The following PRKD1 variants were observed in gnomAD, a reference collection of about 807,000 sequenced individuals.
PRKD1 encodes protein kinase D1, also known as serine/threonine-protein kinase D1.
Under a neutral mutation model 95.9 loss-of-function variants are expected in PRKD1, and 63 were observed. That is an observed-to-expected ratio of 0.66 (90% CI 0.54 to 0.81). The LOEUF is 0.81. PRKD1 is among the 30% of genes least tolerant of loss of function. PRKD1 has a pLI of 0.00. For missense variants in PRKD1, 1,048 were observed against 1,165.3 expected (o/e 0.90, Z 1.47); for synonymous variants, 425 against 423.1 (o/e 1.00, Z -0.05).
chr14:29,597,795 CA>C, intron 15 of PRKD1, 37 bp from the exon 16 acceptor site: 1 of 1,575,408 alleles, frequency 6.3e-7, no homozygotes, highest in Non-Finnish European at 8.6e-7. Context: ...ACTCCGTTCA[CA>C]ATTGTGTGTC....
chr14:29,826,876 T>TATATATATATATATA (rs1891218765), intron 1 of PRKD1, among the ~76,000 whole-genome samples: 2 of 104,968 alleles, frequency 1.9e-5, no homozygotes, highest in Admixed American at 1.1e-4. Context: ...TATATATATA[T>TATATATATATATATA]GATGGAATAC....
At chr14:29,757,217 T>C (rs1887743990) in intron 1 of PRKD1, among the ~76,000 whole-genome samples, 1 of 152,002 alleles carries the variant, frequency 6.6e-6, no homozygotes, top group African/African-American at 2.4e-5. Context: ...ATTCTCAGAG[T>C]CTAACACAGT....
intron 16 of PRKD1, among the ~76,000 whole-genome samples, chr14:29,596,612 C>A (rs1207553107): frequency 6.6e-6 from 1 of 152,178 alleles, no homozygotes; most frequent in East Asian, 1.9e-4. Flanking sequence ...TGCCACCACG[C>A]TCAGCTAATT....
At chr14:29,778,385 C>A (rs139642492) in intron 1 of PRKD1, among the ~76,000 whole-genome samples, 4 of 151,962 alleles carry the variant, frequency 2.6e-5, no homozygotes, top group Non-Finnish European at 5.9e-5. Flanking sequence ...ATTGATAGAC[C>A]ACTAGCAAGA....
At chr14:29,636,611 A>G in intron 6 of PRKD1, 117 bp from the exon 7 acceptor site, 1 of 984,832 alleles carries the variant, frequency 1.0e-6, no homozygotes, top group Non-Finnish European at 1.5e-6. Flanking sequence ...TAGTTCTGTG[A>G]TGAGTTTATT....
chr14:29,594,444 T>A (rs1208809653), intron 16 of PRKD1, among the ~76,000 whole-genome samples: 1 of 152,174 alleles, frequency 6.6e-6, no homozygotes, highest in Non-Finnish European at 1.5e-5. Flanking sequence ...CACGCCTGCC[T>A]TTATAGATGC....
At chr14:29,708,768 T>C (rs1594447686) in intron 2 of PRKD1, among the ~76,000 whole-genome samples, 1 of 151,910 alleles carries the variant, frequency 6.6e-6, no homozygotes, top group South Asian at 2.1e-4. Flanking sequence ...GGTGCTGAGG[T>C]GGCAGGATCA....
At chr14:29,727,862 G>A (rs1886237379) in intron 1 of PRKD1, among the ~76,000 whole-genome samples, 2 of 151,468 alleles carry the variant, frequency 1.3e-5, no homozygotes, top group Admixed American at 1.3e-4. Flanking sequence ...CCTTTGTAGG[G>A]ACATGGATGA....
rs1879652713 is a variant in PRKD1, at chr14:29,626,722, T to TA, written c.1726-167_1726-166insT. On this transcript the variant is annotated intron_variant, in intron 11 of 17. Coordinates refer to ENST00000331968, the MANE Select transcript of PRKD1 (RefSeq NM_002742.3). ...CTGTAATATTCAAAGCACACTCTTT[T>TA]TTTTTTTTTTGAGATGGAGTCTCGC... Among the ~76,000 whole-genome samples the TA allele has an allele frequency of 2.0e-5, 3 of 150,358 alleles. No homozygotes were observed. In the South Asian group the frequency reaches 6.3e-4, roughly 32 times the overall value.
chr14:29,804,844 A>T (rs1890172864), intron 1 of PRKD1, among the ~76,000 whole-genome samples: 1 of 152,168 alleles, frequency 6.6e-6, no homozygotes. Flanking sequence ...AGTAGACCTA[A>T]GCCGTACTTT....
At chr14:29,598,163 C>G (rs1488730682) in intron 15 of PRKD1, among the ~76,000 whole-genome samples, 2 of 151,824 alleles carry the variant, frequency 1.3e-5, no homozygotes, top group East Asian at 3.9e-4. Flanking sequence ...ATAGTCCCAG[C>G]TATTCGAGAG....
chr14:29,821,060 G>C (rs559315215), intron 1 of PRKD1, among the ~76,000 whole-genome samples: 2 of 152,208 alleles, frequency 1.3e-5, no homozygotes, highest in Non-Finnish European at 2.9e-5. Context: ...TTTGAAATTC[G>C]AGTGTAGTAT....
At chr14:29,693,617 T>A (rs1884354361) in intron 2 of PRKD1, among the ~76,000 whole-genome samples, 5 of 136,782 alleles carry the variant, frequency 3.7e-5, no homozygotes. Context: ...AAGCACTTTA[T>A]GACCTCAGTC....
At chr14:29,827,152 C>A (rs560703930) in intron 1 of PRKD1, among the ~76,000 whole-genome samples, 1 of 151,380 alleles carries the variant, frequency 6.6e-6, no homozygotes, top group Admixed American at 6.6e-5. Context: ...ATGGGTGCAC[C>A]AAAATTTCAT....
At chr14:29,887,146 G>T (rs979880758) in intron 1 of PRKD1, among the ~76,000 whole-genome samples, 1 of 152,162 alleles carries the variant, frequency 6.6e-6, no homozygotes. Flanking sequence ...AAACTTTCTA[G>T]TGGTGGCTAT....
intron 1 of PRKD1, among the ~76,000 whole-genome samples, chr14:29,906,473 G>A (rs531656496): frequency 6.6e-6 from 1 of 152,226 alleles, no homozygotes; most frequent in African/African-American, 2.4e-5. Flanking sequence ...AGGAGGTCAA[G>A]GCTGCAGTGA....
intron 11 of PRKD1, among the ~76,000 whole-genome samples, chr14:29,627,677 T>A (rs1879714404): frequency 8.0e-6 from 1 of 125,650 alleles, no homozygotes. Flanking sequence ...TCTGCACATG[T>A]ACCCCAGAAG....
At chr14:29,643,114 T>G (rs1880902289) in intron 4 of PRKD1, among the ~76,000 whole-genome samples, 4 of 152,154 alleles carry the variant, frequency 2.6e-5, no homozygotes, top group Admixed American at 2.0e-4. Context: ...TAGCCATATG[T>G]TCTATGAATT....
chr14:29,810,346 TG>T (rs1890429632), intron 1 of PRKD1, among the ~76,000 whole-genome samples: 2 of 152,160 alleles, frequency 1.3e-5, no homozygotes, highest in South Asian at 2.1e-4. Context: ...CACAATCAAG[TG>T]AACAGCAATA....
Sources: allele counts gnomAD v4.1 joint callset (sites outside exome capture counted in the v4.1 genomes callset), GRCh38; gene constraint gnomAD v4.1.1; transcripts MANE v1.5; gene names NCBI Gene and HGNC (gene_info 2026-07-23, HGNC 2026-07-21).